Variants in TAMM41 observed in about 807,000 individuals in gnomAD.
TAMM41 encodes phosphatidate cytidylyltransferase, mitochondrial.
TAMM41 carries 36 observed loss-of-function variants against 44.1 expected under a neutral mutation model. The ratio of observed to expected loss-of-function variants is 0.82; its 90% CI spans 0.63 to 1.08. The LOEUF is 1.08. TAMM41 is among the 50% of genes least tolerant of loss of function. TAMM41 has a pLI of 0.00. For synonymous variants in TAMM41, 164 were observed against 153.1 expected (o/e 1.07, Z -0.53); for missense variants, 417 against 404.3 (o/e 1.03, Z -0.27).
chr3:11,800,547 TA>T (rs60989120), intron 7 of TAMM41, among the ~76,000 whole-genome samples: 49,571 of 145,090 alleles, frequency 0.34, 9,331 homozygotes, highest in Middle Eastern at 0.45. Context: ...CAAAAACAGT[TA>T]AAAAAAAAAA....
chr3:11,840,159 G>A (rs1055501354), intron 2 of TAMM41, among the ~76,000 whole-genome samples: 1 of 151,970 alleles, frequency 6.6e-6, no homozygotes, highest in African/African-American at 2.4e-5. Flanking sequence ...TAACTGCCGA[G>A]CTTTCAGGGA....
the TAMM41 span, among the ~76,000 whole-genome samples, chr3:11,732,190 C>T: frequency 6.6e-6 from 1 of 152,068 alleles, no homozygotes; most frequent in Non-Finnish European, 1.5e-5. Flanking sequence ...CTTCTTCCTT[C>T]CTCCATGTCT....
chr3:11,762,131 G>A, the TAMM41 span, among the ~76,000 whole-genome samples: 21 of 151,944 alleles, frequency 1.4e-4, no homozygotes, highest in African/African-American at 3.1e-4. Context: ...AGGCCCATTC[G>A]TCACTCATGT....
the TAMM41 span, among the ~76,000 whole-genome samples, chr3:11,722,683 A>C: frequency 6.6e-6 from 1 of 152,170 alleles, no homozygotes; most frequent in African/African-American, 2.4e-5. Context: ...AATACAAAAA[A>C]AAAATGGTCA....
chr3:11,772,620 G>A, the TAMM41 span, among the ~76,000 whole-genome samples: 4 of 152,058 alleles, frequency 2.6e-5, no homozygotes, highest in East Asian at 1.9e-4. Flanking sequence ...ATATCTGTGC[G>A]ATTGTGAACA....
rs2078804289 is a variant in TAMM41 at position 11,827,489 on chromosome 3, A to G, written c.562+2225T>C. ...CACGCCTGACTAATTTTTGTATTTT[A>G]GTAGAGATGGAGTTTTGCCATGTTG... On this transcript the variant is annotated intron_variant, in intron 4 of 7. Transcript: ENST00000455809. Among the ~76,000 whole-genome samples the G allele has an allele frequency of 2.6e-5, 4 of 151,738 alleles. No individual in the cohort carries two copies. In the South Asian group the frequency reaches 8.3e-4, roughly 32 times the overall value.
At position 11,790,543 on chromosome 3, in the gene TAMM41, G is replaced by A. The variant is rs1175954938; in HGVS notation, c.976C>T (p.His326Tyr). The change falls in exon 8 of 8, where the codon CAC becomes TAC. Residue 326 changes from histidine to tyrosine, a missense_variant. His to Tyr is a moderately conservative substitution (Grantham distance 83). Coordinates refer to ENST00000455809, the MANE Select transcript of TAMM41 (RefSeq NM_001284401.2). The part of the protein sequence containing the change: ...KSVIYSSLKL[H>Y]KMWKGWLRKT... Reference sequence around the variant, plus strand: ...CTCAGCCACCCTTTCCACATTTTGTGCAGTTTTAGTGAACTATAAATCACT... The same window carrying A: ...CTCAGCCACCCTTTCCACATTTTGTACAGTTTTAGTGAACTATAAATCACT... 3 of 1,614,094 alleles carry A rather than the reference G, an allele frequency of 1.9e-6. No homozygotes were observed. The highest frequency in any genetic ancestry group is 4.5e-5 in the East Asian group (2 of 44,888).
At chr3:11,746,038 C>T in the TAMM41 span, among the ~76,000 whole-genome samples, 14 of 152,144 alleles carry the variant, frequency 9.2e-5, no homozygotes, top group Admixed American at 3.3e-4. Flanking sequence ...CGGTCGCTCA[C>T]GCCTGTAATC....
chr3:11,755,789 C>T, the TAMM41 span, among the ~76,000 whole-genome samples: 7 of 152,168 alleles, frequency 4.6e-5, no homozygotes, highest in African/African-American at 1.4e-4. Context: ...CTTCCAGAAC[C>T]GGCTCTTACA....
chr3:11,832,160 A>G (rs556209025), intron 3 of TAMM41, among the ~76,000 whole-genome samples: 1 of 152,212 alleles, frequency 6.6e-6, no homozygotes, highest in African/African-American at 2.4e-5. Context: ...TTAAGGTCCT[A>G]TAAAAACACC....
chr3:11,764,576 T>C, the TAMM41 span, among the ~76,000 whole-genome samples: 2 of 138,044 alleles, frequency 1.4e-5, no homozygotes, highest in African/African-American at 5.4e-5. Flanking sequence ...CACTGCAAGC[T>C]CCGCCTCCCA....
intron 5 of TAMM41, among the ~76,000 whole-genome samples, chr3:11,816,052 ACTCT>A (rs1223909453): frequency 6.6e-6 from 1 of 151,966 alleles, no homozygotes; most frequent in East Asian, 1.9e-4. Context: ...TTCATATGTC[ACTCT>A]CTATTCTTTT....
chr3:11,843,855 T>C (rs1026738307), intron 2 of TAMM41, 174 bp downstream of exon 2: 2 of 675,106 alleles, frequency 3.0e-6, no homozygotes, highest in Admixed American at 3.1e-5. Context: ...AGTGTGAATG[T>C]TTCCTGACTA....
chr3:11,844,047 C>CAATGAATTGTAGTAAACTCCAGCGCCAT lies in TAMM41; in HGVS notation c.272_299dup (p.Ile101TrpfsTer13). 3 of 1,614,050 alleles carry CAATGAATTGTAGTAAACTCCAGCGCCAT rather than the reference C, an allele frequency of 1.9e-6. No individual in the cohort carries two copies. Among genetic ancestry groups the CAATGAATTGTAGTAAACTCCAGCGCCAT allele is most frequent in the Non-Finnish European group, 2.5e-6 (3 of 1,179,990 alleles). ...CACTTACCCTACCATTACACATGAT[C>CAATGAATTGTAGTAAACTCCAGCGCCAT]AATGAATTGTAGTAAACTCCAGCGC... On this transcript the variant is annotated frameshift_variant, in exon 2 of 8. Transcript: ENST00000455809. LOFTEE classifies it high-confidence loss of function.
At chr3:11,829,675 C>A (rs374737511) in intron 4 of TAMM41, 39 bp downstream of exon 4, 1 of 1,608,514 alleles carries the variant, frequency 6.2e-7, no homozygotes, top group African/African-American at 1.3e-5. Context: ...AAATATAAAT[C>A]TCTCCCTTGT....
the TAMM41 span, among the ~76,000 whole-genome samples, chr3:11,772,616 G>A: frequency 6.6e-6 from 1 of 151,990 alleles, no homozygotes; most frequent in African/African-American, 2.4e-5. Flanking sequence ...CAGTATATCT[G>A]TGCGATTGTG....
At chr3:11,730,618 C>G in the TAMM41 span, among the ~76,000 whole-genome samples, 30 of 151,400 alleles carry the variant, frequency 2.0e-4, no homozygotes, top group Admixed American at 5.3e-4. Context: ...CCTGTAATCC[C>G]AGCTACTTGG....
chr3:11,834,798 T>C (rs1363643751), intron 3 of TAMM41, among the ~76,000 whole-genome samples: 2 of 152,172 alleles, frequency 1.3e-5, no homozygotes, highest in African/African-American at 2.4e-5. Context: ...GTGATTCTCC[T>C]GCCTCAGCCT....
chr3:11,741,303 G>C, the TAMM41 span, among the ~76,000 whole-genome samples: 1 of 147,440 alleles, frequency 6.8e-6, no homozygotes, highest in Non-Finnish European at 1.5e-5. Context: ...CTGTTGCTGC[G>C]TCCCCACACA....
Sources: allele counts gnomAD v4.1 joint callset (sites outside exome capture counted in the v4.1 genomes callset), GRCh38; gene constraint gnomAD v4.1.1; transcripts MANE v1.5; gene names NCBI Gene and HGNC (gene_info 2026-07-23, HGNC 2026-07-21).